Variants in STPG2 observed in about 807,000 individuals in gnomAD.
STPG2 encodes the protein sperm-tail PG-rich repeat-containing protein 2.
A neutral mutation model predicts 54.2 loss-of-function variants in STPG2; 56 were observed. The observed-to-expected ratio is 1.03, with a 90% CI of 0.83 to 1.29. STPG2 has a LOEUF of 1.29. Among genes scored for constraint, STPG2 ranks in the 50% most tolerant of loss-of-function variants. The pLI is 0.00. For synonymous variants in STPG2, 200 were observed against 181.8 expected (o/e 1.10, Z -0.81); for missense variants, 596 against 544.9 (o/e 1.09, Z -0.93).
intron 9 of STPG2, among the ~76,000 whole-genome samples, chr4:97,797,593 T>C (rs554645422): frequency 1.3e-5 from 2 of 152,310 alleles, no homozygotes; most frequent in East Asian, 1.9e-4. Context: ...GGTTAGCCAG[T>C]GTATTATTCA....
intron 10 of STPG2, among the ~76,000 whole-genome samples, chr4:97,611,385 A>T (rs1431944706): frequency 6.6e-6 from 1 of 151,926 alleles, no homozygotes; most frequent in Admixed American, 6.6e-5. Context: ...AAACTCACCT[A>T]TGAACAGAGA....
rs77779236 is a variant in STPG2, at chr4:97,462,561, A to T, written c.462+250138T>A. Among the ~76,000 whole-genome samples the T allele has an allele frequency of 2.9e-3, 434 of 152,156 alleles. 3 individuals carry two copies. Among genetic ancestry groups the T allele is most frequent in the African/African-American group, 9.6e-3 (400 of 41,566 alleles). On this transcript the variant is annotated intron_variant, in intron 4 of 4. Coordinates refer to the STPG2 transcript ENST00000522676. ...ATAATACCTTCTTCTATTTGTTTAT[A>T]TAATTCCTAGTTTTTGTCAATAATT...
chr4:97,672,366 C>T (rs1417679267), intron 10 of STPG2, among the ~76,000 whole-genome samples: 1 of 151,520 alleles, frequency 6.6e-6, no homozygotes, highest in Non-Finnish European at 1.5e-5. Flanking sequence ...TTAGTAGAGA[C>T]AGGGTTTCTC....
At chr4:97,740,208 G>T (rs544782043) in intron 9 of STPG2, among the ~76,000 whole-genome samples, 2 of 152,152 alleles carry the variant, frequency 1.3e-5, no homozygotes, top group South Asian at 2.1e-4. Context: ...TTGATGGGAC[G>T]TATCTCAAAA....
At chr4:97,521,063 T>A (rs1165754973) in intron 4 of STPG2, among the ~76,000 whole-genome samples, 1 of 152,082 alleles carries the variant, frequency 6.6e-6, no homozygotes, top group Non-Finnish European at 1.5e-5. Flanking sequence ...TGTTATAATA[T>A]GTACATTCTG....
Position 97,852,483 on chromosome 4 carries a change from G to A in STPG2, c.1045-11551C>T, listed in dbSNP as rs973323083. On this transcript the variant is annotated intron_variant, in intron 8 of 10. Coordinates refer to ENST00000295268, the MANE Select transcript of STPG2 (RefSeq NM_174952.3). The stretch of plus-strand genomic sequence containing the variant: ...CATGAAGTATGTGGAAGGACACTGT[G>A]CACAAGGCATTTCTCTGTATTCTTT... Among the ~76,000 whole-genome samples, 28 of 152,248 alleles carry A rather than the reference G, an allele frequency of 1.8e-4. No individual in the cohort carries two copies. In the Middle Eastern group the frequency reaches 0.014, roughly 74 times the overall value.
At chr4:97,961,545 G>C (rs1029745551) in intron 7 of STPG2, among the ~76,000 whole-genome samples, 11 of 152,016 alleles carry the variant, frequency 7.2e-5, no homozygotes, top group African/African-American at 2.7e-4. Context: ...AGTGGGCTGA[G>C]GACATGAATA....
intron 10 of STPG2, among the ~76,000 whole-genome samples, chr4:97,655,310 A>G (rs531866842): frequency 6.6e-6 from 1 of 152,198 alleles, no homozygotes; most frequent in South Asian, 2.1e-4. Flanking sequence ...GGTGACCTAG[A>G]CTTTCTATAT....
At chr4:98,040,369 G>C (rs908886800) in intron 5 of STPG2, among the ~76,000 whole-genome samples, 2 of 151,618 alleles carry the variant, frequency 1.3e-5, no homozygotes, top group Non-Finnish European at 3.0e-5. Flanking sequence ...GTGTTTTTAA[G>C]GTCTTAGTCA....
chr4:97,472,637 C>T (rs1240702344), intron 4 of STPG2, among the ~76,000 whole-genome samples: 1 of 152,020 alleles, frequency 6.6e-6, no homozygotes, highest in Non-Finnish European at 1.5e-5. Flanking sequence ...AACTGTGGTA[C>T]ATCTAGATAA....
rs995871419 is a variant in STPG2 at position 97,983,955 on chromosome 4, T to C, written c.613-2637A>G. On this transcript the variant is annotated intron_variant, in intron 5 of 10. Coordinates refer to ENST00000295268, the MANE Select transcript of STPG2 (RefSeq NM_174952.3). Reference sequence around the variant, plus strand: ...CATGAGTTCACATAAAAGCCTTCAATTCAAATCCATCCCACAAGGTCCTCT... The same window carrying C: ...CATGAGTTCACATAAAAGCCTTCAACTCAAATCCATCCCACAAGGTCCTCT... Among the ~76,000 whole-genome samples the C allele has an allele frequency of 2.6e-5, 4 of 152,276 alleles. No individual in the cohort carries two copies. The South Asian group carries it at 8.3e-4, about 32-fold the overall frequency.
At chr4:97,697,165 G>A (rs1723603305) in intron 10 of STPG2, among the ~76,000 whole-genome samples, 1 of 152,178 alleles carries the variant, frequency 6.6e-6, no homozygotes, top group Admixed American at 6.6e-5. Flanking sequence ...TTATTATCTG[G>A]AAACATGGTG....
chr4:97,802,643 G>A (rs1228892432), intron 9 of STPG2, among the ~76,000 whole-genome samples: 1 of 151,974 alleles, frequency 6.6e-6, no homozygotes, highest in East Asian at 1.9e-4. Context: ...GCTAGTTTTT[G>A]TATTTTTAGT....
At chr4:98,088,348 A>G (rs1483374958) in intron 5 of STPG2, among the ~76,000 whole-genome samples, 24 of 152,128 alleles carry the variant, frequency 1.6e-4, no homozygotes, top group Admixed American at 1.6e-3. Flanking sequence ...GATTTATGTC[A>G]TTCATTCACC....
intron 6 of STPG2, among the ~76,000 whole-genome samples, chr4:97,975,400 A>G (rs1734465686): frequency 6.6e-6 from 1 of 151,958 alleles, no homozygotes; most frequent in Non-Finnish European, 1.5e-5. Flanking sequence ...CTATCATTTG[A>G]CCTCCCTGTC....
intron 8 of STPG2, among the ~76,000 whole-genome samples, chr4:97,883,966 T>C (rs1159709742): frequency 1.3e-5 from 2 of 151,980 alleles, no homozygotes; most frequent in African/African-American, 2.4e-5. Context: ...ACAGAGGATG[T>C]GGTGGCTGAG....
rs1441512501 is a variant in STPG2, at chr4:98,112,191, A to G, written c.388-2886T>C. Among the ~76,000 whole-genome samples, 4 of 152,280 alleles carry G rather than the reference A, an allele frequency of 2.6e-5. No individual in the cohort carries two copies. The South Asian group carries it at 8.3e-4, about 32-fold the overall frequency. On this transcript the variant is annotated intron_variant, in intron 3 of 10. Transcript: ENST00000295268. Reference sequence around the variant, plus strand: ...TGATGGACTGCATATATGACAATGGACCAGATATACAATGGTGAGCCCGTA... The same window carrying G: ...TGATGGACTGCATATATGACAATGGGCCAGATATACAATGGTGAGCCCGTA...
intron 7 of STPG2, among the ~76,000 whole-genome samples, chr4:97,967,280 A>G (rs973287455): frequency 2.6e-5 from 4 of 152,184 alleles, no homozygotes; most frequent in Admixed American, 1.3e-4. Flanking sequence ...GCCATTACAT[A>G]ATGGTAAAGG....
At chr4:98,053,297 T>C (rs980146599) in intron 5 of STPG2, among the ~76,000 whole-genome samples, 1 of 152,198 alleles carries the variant, frequency 6.6e-6, no homozygotes, top group African/African-American at 2.4e-5. Context: ...TTGATTTTTA[T>C]GAGAACTTAA....
Sources: allele counts gnomAD v4.1 joint callset (sites outside exome capture counted in the v4.1 genomes callset), GRCh38; gene constraint gnomAD v4.1.1; transcripts MANE v1.5; gene names NCBI Gene and HGNC (gene_info 2026-07-23, HGNC 2026-07-21).